COX14: variants seen among roughly 807,000 people sequenced by gnomAD.
COX14 encodes the protein cytochrome c oxidase assembly factor COX14.
COX14 carries 3 observed loss-of-function variants against 5.8 expected under a neutral mutation model. The observed-to-expected ratio is 0.51, with a 90% confidence interval of 0.23 to 1.33. The LOEUF (loss-of-function observed/expected upper bound fraction) is 1.33, where lower values mean the gene tolerates loss of function less well. COX14 is among the 40% of genes most tolerant of loss of function. COX14 has a pLI of 0.18. For synonymous variants in COX14, 25 were observed against 26.1 expected (o/e 0.96, Z 0.13); for missense variants, 72 against 72.1 (o/e 1.00, Z 0.01).
At chr12:50,119,575 C>T (rs978037507) in intron 1 of COX14, among the ~76,000 whole-genome samples, 1 of 152,144 alleles carries the variant, frequency 6.6e-6, no homozygotes, top group African/African-American at 2.4e-5. Context: ...ACACCTGTAG[C>T]GTCAGCTACT....
Position 50,120,336 on chromosome 12 carries a change from A to T in COX14, c.*119A>T. ...GTTGATGGTTTTCAAACCCTGTTGG[A>T]AGAAAGTGCCCATGGTTTCTCTGGT... On this transcript the variant is annotated 3_prime_UTR_variant, in exon 2 of 2. Transcript: ENST00000550487. The T allele has an allele frequency of 1.2e-6, 1 of 838,620 alleles. No homozygotes were observed. Among genetic ancestry groups the T allele is most frequent in the South Asian group, 1.9e-5 (1 of 53,190 alleles). 51.9% of individuals were successfully genotyped at this position (838,620 alleles called of 1,614,324 possible).
chr12:50,112,476 C>T (rs1452343326), intron 1 of COX14, 175 bp downstream of exon 1: 1 of 985,892 alleles, frequency 1.0e-6, no homozygotes, highest in Non-Finnish European at 1.2e-6. Context: ...CCTGCCCAAG[C>T]CCAAGCTCCT....
At chr12:50,113,694 G>T (rs554335968) in intron 1 of COX14, among the ~76,000 whole-genome samples, 184 of 151,960 alleles carry the variant, frequency 1.2e-3, no homozygotes, top group Non-Finnish European at 2.2e-3. Flanking sequence ...GTACAGTGGC[G>T]CGATCTCGGC....
chr12:50,120,163 G>A lies in COX14; in HGVS notation c.120G>A (p.Trp40Ter), dbSNP rs773770033. 1 of 1,614,192 alleles carries A rather than the reference G, an allele frequency of 6.2e-7. No homozygotes were observed. Among genetic ancestry groups the A allele is most frequent in the Non-Finnish European group, 8.5e-7 (1 of 1,180,044 alleles). The change falls in exon 2 of 2, where the codon TGG (tryptophan) becomes TGA (stop). Residue 40 changes from tryptophan to a stop codon, truncating the protein, a stop_gained. Transcript: ENST00000550487. LOFTEE classifies it high-confidence loss of function. The part of the protein sequence containing the change: ...CSVRVYHYFQ[W>*]RRAQRQAAEE... ...TCCGAGTCTACCACTATTTCCAGTG[G>A]CGCAGGGCCCAGCGCCAGGCCGCAG...
At chr12:50,115,664 A>C (rs1234904249) in intron 1 of COX14, among the ~76,000 whole-genome samples, 1 of 146,050 alleles carries the variant, frequency 6.8e-6, no homozygotes, top group Admixed American at 6.8e-5. Flanking sequence ...CGATCCTCCA[A>C]CCTCAGCCTC....
intron 1 of COX14, among the ~76,000 whole-genome samples, chr12:50,114,208 T>A (rs1327128736): frequency 7.4e-6 from 1 of 134,248 alleles, no homozygotes; most frequent in Non-Finnish European, 1.5e-5. Flanking sequence ...GGAAGGGGGA[T>A]GTAGTTAAAT....
intron 1 of COX14, among the ~76,000 whole-genome samples, chr12:50,117,581 C>T (rs866609111): frequency 3.0e-5 from 4 of 134,708 alleles, no homozygotes; most frequent in Non-Finnish European, 1.6e-5. Flanking sequence ...TTTTCTGTCT[C>T]TTTTTTTTTT....
Position 50,120,291 on chromosome 12 carries a change from C to T in COX14, c.*74C>T. On this transcript the variant is annotated 3_prime_UTR_variant, in exon 2 of 2. Coordinates refer to ENST00000550487, the MANE Select transcript of COX14 (RefSeq NM_032901.4). The stretch of plus-strand genomic sequence containing the variant: ...GAGAGACTTCACCTGCCACCATTTC[C>T]AGGTCAACAGGACTAGAGCGTTGAT... 7.8e-7 allele frequency: 1 copy of T among 1,277,060 alleles called. No individual in the cohort carries two copies. Among genetic ancestry groups the T allele is most frequent in the African/African-American group, 1.5e-5 (1 of 67,276 alleles). The allele number at this position is 1,277,060 out of a possible 1,614,324, so 79.1% of individuals were successfully genotyped here. A position where few individuals can be genotyped will look rare whatever the true frequency, so the allele number is the denominator to read the frequency against.
chr12:50,113,977 C>G (rs1951055318), intron 1 of COX14, among the ~76,000 whole-genome samples: 2 of 151,348 alleles, frequency 1.3e-5, no homozygotes, highest in Non-Finnish European at 2.9e-5. Context: ...GAGACACAGT[C>G]TTGCTCTGCA....
intron 1 of COX14, among the ~76,000 whole-genome samples, chr12:50,118,745 G>C (rs974783083): frequency 3.9e-5 from 6 of 151,946 alleles, no homozygotes; most frequent in African/African-American, 1.4e-4. Flanking sequence ...CCAGCCTGGG[G>C]GACAGAGTGA....
chr12:50,112,794 C>A (rs1331405906), intron 1 of COX14: 1 of 152,212 alleles, frequency 6.6e-6, no homozygotes, highest in Non-Finnish European at 1.5e-5. Flanking sequence ...CTCAAGCCCC[C>A]ACCCTGTCTT....
intron 1 of COX14, chr12:50,112,949 T>TATGTTATGTTATGTTA (rs1282853663): frequency 1.3e-5 from 2 of 151,964 alleles, no homozygotes; most frequent in Non-Finnish European, 2.9e-5. Context: ...TTATGTTATT[T>TATGTTATGTTATGTTA]TGAGACAGGG....
At position 50,120,242 on chromosome 12, in the gene COX14, C is replaced by T. The variant is rs201942448; in HGVS notation, c.*25C>T. 9.4e-5 allele frequency: 150 copies of T among 1,600,646 alleles called. No individual in the cohort carries two copies. The East Asian group carries it at 2.9e-3, about 31-fold the overall frequency. ...GAACTGGGGGGCTTTTTCTCCTGAG[C>T]AGAGAGGCCCAAGGCATGCTGTGGA... On this transcript the variant is annotated 3_prime_UTR_variant, in exon 2 of 2. Coordinates refer to ENST00000550487, the MANE Select transcript of COX14 (RefSeq NM_032901.4).
At chr12:50,119,338 T>C (rs2137946850) in intron 1 of COX14, among the ~76,000 whole-genome samples, 1 of 152,352 alleles carries the variant, frequency 6.6e-6, no homozygotes, top group Non-Finnish European at 1.5e-5. Flanking sequence ...TCATTTCTGC[T>C]ACCTCCATTA....
intron 1 of COX14, among the ~76,000 whole-genome samples, chr12:50,115,994 T>G (rs969253571): frequency 6.6e-6 from 1 of 152,216 alleles, no homozygotes; most frequent in Non-Finnish European, 1.5e-5. Context: ...TTTGCCCTAA[T>G]TCGCTCCATT....
At chr12:50,114,647 G>C (rs1311427868) in intron 1 of COX14, among the ~76,000 whole-genome samples, 1 of 151,420 alleles carries the variant, frequency 6.6e-6, no homozygotes, top group African/African-American at 2.4e-5. Context: ...CTCTCCTTTG[G>C]TTTTGCTTAT....
At chr12:50,114,690 T>A (rs1951062948) in intron 1 of COX14, among the ~76,000 whole-genome samples, 1 of 151,686 alleles carries the variant, frequency 6.6e-6, no homozygotes, top group Non-Finnish European at 1.5e-5. Flanking sequence ...ATAGCTTCCC[T>A]TCTAAGCTGT....
chr12:50,116,725 A>G (rs934376834), intron 1 of COX14, among the ~76,000 whole-genome samples: 1 of 152,192 alleles, frequency 6.6e-6, no homozygotes, highest in African/African-American at 2.4e-5. Flanking sequence ...TCACTATTGC[A>G]TGCACAGCTT....
chr12:50,118,191 C>A (rs1208225082), intron 1 of COX14, among the ~76,000 whole-genome samples: 1 of 151,800 alleles, frequency 6.6e-6, no homozygotes, highest in African/African-American at 2.4e-5. Context: ...GGATTACAGG[C>A]ATGCGCCACC....
Sources: gnomAD v4.1 joint callset for allele counts (sites outside exome capture counted in the v4.1 genomes callset) on GRCh38, gnomAD v4.1.1 for gene constraint, MANE v1.5 for transcripts, NCBI Gene and HGNC (gene_info 2026-07-23, HGNC 2026-07-21) for gene names.